The following CSF2RA variants were observed in gnomAD, a reference collection of about 807,000 sequenced individuals.
CSF2RA encodes granulocyte-macrophage colony-stimulating factor receptor subunit alpha.
In CSF2RA, 42 loss-of-function variants were observed where a neutral mutation model predicts 51.6. The ratio of observed to expected loss-of-function variants is 0.81; its 90% CI spans 0.64 to 1.05. The LOEUF is 1.05. Among genes scored for constraint, CSF2RA ranks in the 50% least tolerant of loss-of-function variants. CSF2RA has a pLI of 0.00. For missense variants in CSF2RA, 530 were observed against 501.1 expected (o/e 1.06, Z -0.55); for synonymous variants, 222 against 193.0 (o/e 1.15, Z -1.24).
At position 1,288,844 on chromosome X, in the gene CSF2RA, G is replaced by A. The variant is rs368476257; in HGVS notation, c.429G>A (p.Thr143=). 121 of 1,613,758 alleles carry A rather than the reference G, an allele frequency of 7.5e-5. 1 individual carries two copies. Among genetic ancestry groups the A allele is most frequent in the South Asian group, 6.9e-4 (63 of 91,078 alleles). ...LMNCTWARGP[T]APRDVQYFLY... ...ACTGTACCTGGGCGAGGGGTCCGAC[G>A]GCCCCCCGTGACGTCCAGTATTTTT... The change falls in exon 6 of 13, where the codon ACG becomes ACA. Residue 143 remains threonine (T), a synonymous_variant. Coordinates refer to ENST00000381529, the MANE Select transcript of CSF2RA (RefSeq NM_172245.4).
At chrX:1,293,363 C>T (rs75961399) in intron 7 of CSF2RA, among the ~76,000 whole-genome samples, 56,011 of 151,696 alleles carry the variant, frequency 0.37, 10,557 homozygotes, top group Middle Eastern at 0.47. Context: ...GGACTACAGG[C>T]ACCCGCCACC....
At chrX:1,298,945 C>G (rs1163701982) in intron 9 of CSF2RA, among the ~76,000 whole-genome samples, 3 of 151,994 alleles carry the variant, frequency 2.0e-5, no homozygotes, top group Non-Finnish European at 4.4e-5. Flanking sequence ...CACTCACAAC[C>G]CTAGCGTCAC....
At chrX:1,322,210 A>G in the CSF2RA span, among the ~76,000 whole-genome samples, 1 of 151,268 alleles carries the variant, frequency 6.6e-6, no homozygotes, top group Non-Finnish European at 1.5e-5. Context: ...GGTTCAAGTG[A>G]TTCTCCTGTC....
In CSF2RA at chrX:1,290,431, A is replaced by G. The variant is rs1369202980; in HGVS notation, c.568A>G (p.Asn190Asp). The G allele has an allele frequency of 4.3e-6, 7 of 1,613,728 alleles. No individual in the cohort carries two copies. Among genetic ancestry groups the G allele is most frequent in the Non-Finnish European group, 5.9e-6 (7 of 1,179,826 alleles). Residue 190 changes from asparagine (N) to aspartate (D), a missense_variant, in exon 7 of 13, where the codon AAT becomes GAT. By Grantham distance (23) the Asn-to-Asp change is conservative. Transcript: ENST00000381529. Reference protein sequence around the residue: ...LDNLSGLTSRNYFLVNGTSRE... With the variant: ...LDNLSGLTSRDYFLVNGTSRE... The stretch of plus-strand genomic sequence containing the variant: ...TAACCTGTCAGGATTAACGTCTCGC[A>G]ATTACTTTCTGGTTAACGGAACCAG...
At chrX:1,295,743 G>C (rs1201334920) in intron 9 of CSF2RA, among the ~76,000 whole-genome samples, 1 of 51,024 alleles carries the variant, frequency 2.0e-5, no homozygotes, top group African/African-American at 8.7e-5. Context: ...CACCTCCACA[G>C]AGACCCAGTA....
At chrX:1,272,821 T>A (rs1167617547) in intron 1 of CSF2RA, among the ~76,000 whole-genome samples, 1 of 83,296 alleles carries the variant, frequency 1.2e-5, no homozygotes, top group African/African-American at 4.1e-5. Context: ...TTCTTTCTTT[T>A]TTTCTTTTTT....
intron 2 of CSF2RA, among the ~76,000 whole-genome samples, chrX:1,277,230 G>C (rs1314272115): frequency 6.6e-6 from 1 of 152,010 alleles, no homozygotes; most frequent in Non-Finnish European, 1.5e-5. Context: ...AAGCATAAAC[G>C]AAGGGTGCTT....
Position 1,287,697 on chromosome X carries a change from G to A in CSF2RA, c.220-822G>A, listed in dbSNP as rs1420349050. 8.7e-5 allele frequency among the ~76,000 whole-genome samples: 12 copies of A among 138,608 alleles called. 1 individual carries two copies. The highest frequency in any genetic ancestry group is 7.0e-4 in the South Asian group (3 of 4,284). 90.9% of individuals were successfully genotyped at this position (138,608 alleles called of 152,430 possible). A position where few individuals can be genotyped will look rare whatever the true frequency, so the allele number is the denominator to read the frequency against. ...GACCTCAAGTGATCCACCCGCCTCG[G>A]CCTCCCAGAGTGCTGGCATTACAGG... On this transcript the variant is annotated intron_variant, in intron 4 of 12. Transcript: ENST00000381529.
chrX:1,290,243 G>A, intron 6 of CSF2RA, 94 bp from the exon 7 acceptor site: 1 of 1,002,586 alleles, frequency 1.0e-6, no homozygotes, highest in East Asian at 2.5e-5. Flanking sequence ...TTGTGTTTTT[G>A]TGTTTTGTTT....
chrX:1,289,534 T>TTTTCTTTTG (rs1210070117), intron 6 of CSF2RA, among the ~76,000 whole-genome samples: 2 of 151,152 alleles, frequency 1.3e-5, no homozygotes, highest in African/African-American at 4.8e-5. Flanking sequence ...GTTTCTGTGT[T>TTTTCTTTTG]TTTCTTTTGT....
Position 1,307,067 on chromosome X carries a change from C to G in CSF2RA, c.1125+1540C>G, listed in dbSNP as rs28693800. 2.3e-4 allele frequency among the ~76,000 whole-genome samples: 35 copies of G among 152,098 alleles called. 1 individual carries two copies. The East Asian group carries it at 6.8e-3, about 29-fold the overall frequency. ...GGCGAGGAACCATGTGACCTGCACCCTGAGACCCCATTGGCGCTCCTCTCC... is the reference window on the plus strand; with the variant it reads ...GGCGAGGAACCATGTGACCTGCACCGTGAGACCCCATTGGCGCTCCTCTCC... On this transcript the variant is annotated intron_variant, in intron 12 of 12. Coordinates refer to ENST00000381529, the MANE Select transcript of CSF2RA (RefSeq NM_172245.4).
intron 8 of CSF2RA, 43 bp from the exon 9 acceptor site, chrX:1,295,384 A>G (rs1235430505): frequency 6.2e-7 from 1 of 1,613,128 alleles, no homozygotes; most frequent in Non-Finnish European, 8.5e-7. Context: ...TGTTTTAGAA[A>G]TGGAAACAGT....
intron 1 of CSF2RA, among the ~76,000 whole-genome samples, chrX:1,272,636 C>G (rs182387447): frequency 6.8e-6 from 1 of 147,494 alleles, no homozygotes; most frequent in African/African-American, 2.5e-5. Flanking sequence ...TACAGGCACC[C>G]GCCACTACGC....
intron 1 of CSF2RA, among the ~76,000 whole-genome samples, chrX:1,271,026 T>TA (rs202067929): frequency 0.034 from 5,172 of 150,880 alleles, 256 homozygotes; most frequent in African/African-American, 0.1. Flanking sequence ...CCCTCGTGTA[T>TA]AAAAAAAAGA....
the CSF2RA span, among the ~76,000 whole-genome samples, chrX:1,317,180 C>G: frequency 6.7e-6 from 1 of 148,892 alleles, no homozygotes; most frequent in Non-Finnish European, 1.5e-5. Flanking sequence ...GAACTCCTGA[C>G]CTTATGATCT....
chrX:1,278,410 G>A (rs1336683095), intron 2 of CSF2RA, among the ~76,000 whole-genome samples: 2 of 150,020 alleles, frequency 1.3e-5, no homozygotes, highest in South Asian at 2.1e-4. Context: ...CCAGAGGCCA[G>A]GTGCAGTGGC....
the CSF2RA span, among the ~76,000 whole-genome samples, chrX:1,323,794 C>A: frequency 2.6e-5 from 4 of 151,824 alleles, no homozygotes; most frequent in Non-Finnish European, 4.4e-5. Flanking sequence ...GCGGGCAGAT[C>A]ATGAGGTCAG....
chrX:1,286,106 C>G (rs759111618), intron 4 of CSF2RA, among the ~76,000 whole-genome samples, 186 bp downstream of exon 4: 10 of 151,946 alleles, frequency 6.6e-5, no homozygotes, highest in Non-Finnish European at 1.5e-4. Context: ...AACCCCGTCT[C>G]TACTACAAAT....
At chrX:1,289,183 A>G in intron 6 of CSF2RA, 1 of 442,218 alleles carries the variant, frequency 2.3e-6, no homozygotes, top group Non-Finnish European at 4.2e-6. Flanking sequence ...GAGTGTAGTG[A>G]TGTGATCTCA....
Sources: gnomAD v4.1 joint callset for allele counts (sites outside exome capture counted in the v4.1 genomes callset) on GRCh38, gnomAD v4.1.1 for gene constraint, MANE v1.5 for transcripts, NCBI Gene and HGNC (gene_info 2026-07-23, HGNC 2026-07-21) for gene names.